The following ANO6 variants were observed in gnomAD, a reference collection of about 807,000 sequenced individuals.
The protein encoded by ANO6 is anoctamin-6.
A neutral mutation model predicts 117.5 loss-of-function variants in ANO6; 106 were observed. The ratio of observed to expected loss-of-function variants is 0.90; its 90% CI spans 0.77 to 1.06. The LOEUF (loss-of-function observed/expected upper bound fraction) is 1.06, where lower values mean the gene tolerates loss of function less well. Among genes scored for constraint, ANO6 ranks in the 50% least tolerant of loss-of-function variants. ANO6 has a pLI of 0.00. For missense variants in ANO6, 955 were observed against 1,121.1 expected (o/e 0.85, Z 2.12); for synonymous variants, 367 against 385.1 (o/e 0.95, Z 0.55).
intron 9 of ANO6, 53 bp downstream of exon 9, chr12:45,367,846 T>A: frequency 7.6e-7 from 1 of 1,310,292 alleles, no homozygotes; most frequent in South Asian, 1.2e-5. Flanking sequence ...TTTTTTCTAA[T>A]GCTAATTTAG....
At chr12:45,224,197 A>G (rs115366521) in intron 1 of ANO6, among the ~76,000 whole-genome samples, 6 of 152,316 alleles carry the variant, frequency 3.9e-5, no homozygotes, top group African/African-American at 1.2e-4. Flanking sequence ...AGGGGAATCC[A>G]GGACAGCTCT....
chr12:45,317,454 T>C (rs1286208360), intron 2 of ANO6, among the ~76,000 whole-genome samples: 2 of 151,676 alleles, frequency 1.3e-5, no homozygotes, highest in Admixed American at 1.3e-4. Flanking sequence ...CATGAACTCA[T>C]CATTTTTTAT....
chr12:45,310,086 A>G (rs143410063), intron 2 of ANO6, among the ~76,000 whole-genome samples: 1 of 152,218 alleles, frequency 6.6e-6, no homozygotes, highest in East Asian at 1.9e-4. Context: ...CTGAATATGG[A>G]GGAATATTTA....
intron 8 of ANO6, among the ~76,000 whole-genome samples, chr12:45,364,589 C>T (rs886880039): frequency 3.3e-5 from 5 of 152,200 alleles, no homozygotes; most frequent in African/African-American, 1.2e-4. Flanking sequence ...AGGAGCCCTT[C>T]TAATGATTTT....
At chr12:45,301,165 A>C (rs1939471809) in intron 1 of ANO6, among the ~76,000 whole-genome samples, 1 of 152,210 alleles carries the variant, frequency 6.6e-6, no homozygotes. Flanking sequence ...TTTTACACTG[A>C]TTACATGTTC....
At chr12:45,303,936 G>A (rs1394812868) in intron 2 of ANO6, among the ~76,000 whole-genome samples, 14 of 152,184 alleles carry the variant, frequency 9.2e-5, no homozygotes, top group African/African-American at 3.4e-4. Context: ...ATTGAAAACT[G>A]TTAATCACAA....
At chr12:45,362,912 T>A (rs1941591612) in intron 8 of ANO6, among the ~76,000 whole-genome samples, 1 of 152,174 alleles carries the variant, frequency 6.6e-6, no homozygotes, top group Admixed American at 6.5e-5. Context: ...TTGTGTCTTT[T>A]AAATAAGATA....
intron 1 of ANO6, among the ~76,000 whole-genome samples, chr12:45,250,780 A>G (rs1947889065): frequency 6.6e-6 from 1 of 151,602 alleles, no homozygotes; most frequent in African/African-American, 2.4e-5. Flanking sequence ...AAAAAAAAAA[A>G]AAGAGACAGT....
chr12:45,216,558 G>C (rs1430465971), intron 1 of ANO6, among the ~76,000 whole-genome samples, 167 bp downstream of exon 1: 1 of 152,210 alleles, frequency 6.6e-6, no homozygotes, highest in Non-Finnish European at 1.5e-5. Flanking sequence ...TGCAGACTGA[G>C]GCCCCGGTGC....
intron 1 of ANO6, among the ~76,000 whole-genome samples, chr12:45,299,742 C>T (rs61923858): frequency 0.022 from 3,316 of 151,972 alleles, 43 homozygotes; most frequent in Non-Finnish European, 0.034. Flanking sequence ...GTCCCAGCTA[C>T]TTGGGAGGCT....
At chr12:45,217,684 C>G (rs1317499169) in intron 1 of ANO6, among the ~76,000 whole-genome samples, 12 of 152,222 alleles carry the variant, frequency 7.9e-5, no homozygotes, top group Admixed American at 6.5e-5. Context: ...GGTTTTCTGA[C>G]TTGTAAAACC....
chr12:45,221,184 T>C, intron 1 of ANO6, among the ~76,000 whole-genome samples: 1 of 152,210 alleles, frequency 6.6e-6, no homozygotes, highest in South Asian at 2.1e-4. Flanking sequence ...GAACAACTAC[T>C]TGCTTGTCAT....
intron 4 of ANO6, chr12:45,347,569 A>G (rs1941169949): frequency 5.5e-6 from 1 of 182,644 alleles, no homozygotes; most frequent in Admixed American, 5.6e-5. Flanking sequence ...ATATATAGCA[A>G]ATGGATTTAT....
At chr12:45,423,938 G>A (rs113036269) in intron 19 of ANO6, among the ~76,000 whole-genome samples, 60 of 152,250 alleles carry the variant, frequency 3.9e-4, no homozygotes, top group African/African-American at 1.4e-3. Context: ...GGCTGAGGCA[G>A]GTGGATTTCA....
intron 9 of ANO6, among the ~76,000 whole-genome samples, chr12:45,370,119 G>A (rs1226063780): frequency 6.6e-6 from 1 of 152,156 alleles, no homozygotes; most frequent in Non-Finnish European, 1.5e-5. Context: ...CAGCTGTCTT[G>A]CCCTCTCTGT....
chr12:45,423,203 A>G, intron 19 of ANO6, 141 bp downstream of exon 19: 3 of 717,484 alleles, frequency 4.2e-6, no homozygotes, highest in Non-Finnish European at 5.0e-6. Flanking sequence ...GTTAATCAGT[A>G]TTGACCTGAA....
chr12:45,316,239 A>G (rs921362211), intron 2 of ANO6, among the ~76,000 whole-genome samples: 10 of 152,246 alleles, frequency 6.6e-5, no homozygotes, highest in East Asian at 5.8e-4. Context: ...GGCACAGTCT[A>G]TATCCCTTTG....
At chr12:45,369,078 G>GC (rs1941757904) in intron 9 of ANO6, among the ~76,000 whole-genome samples, 1 of 152,186 alleles carries the variant, frequency 6.6e-6, no homozygotes, top group Non-Finnish European at 1.5e-5. Context: ...AGCTCTGTTT[G>GC]AGAAATTGTT....
At chr12:45,400,690 G>T (rs948849859) in intron 12 of ANO6, among the ~76,000 whole-genome samples, 1 of 152,164 alleles carries the variant, frequency 6.6e-6, no homozygotes, top group Admixed American at 6.5e-5. Flanking sequence ...CCCCAGTGGA[G>T]CTTGTACTCA....
Sources: gnomAD v4.1 joint callset for allele counts (sites outside exome capture counted in the v4.1 genomes callset) on GRCh38, gnomAD v4.1.1 for gene constraint, MANE v1.5 for transcripts, NCBI Gene and HGNC (gene_info 2026-07-23, HGNC 2026-07-21) for gene names.